Variants in OLFM3 observed in about 807,000 individuals in gnomAD.
OLFM3 encodes the protein olfactomedin 3.
A neutral mutation model predicts 48.6 loss-of-function variants in OLFM3; 20 were observed. That is an observed-to-expected ratio of 0.41 (90% confidence interval 0.29 to 0.60). The LOEUF is 0.60. Ranked by LOEUF, OLFM3 falls within the 20% of genes least tolerant of loss-of-function variation. The probability of loss-of-function intolerance (pLI) is 0.28; values close to 1 mark genes in which losing one functional copy is unlikely to be tolerated. For synonymous variants in OLFM3, 222 were observed against 198.1 expected, an observed-to-expected ratio of 1.12 and a Z score of -1.01; for missense variants, 437 against 544.3, an observed-to-expected ratio of 0.80 and a Z score of 1.96.
At chr1:101,914,497 C>A (rs1658861616) in intron 1 of OLFM3, among the ~76,000 whole-genome samples, 1 of 152,186 alleles carries the variant, frequency 6.6e-6, no homozygotes, top group African/African-American at 2.4e-5. Flanking sequence ...CAGAGCTTAA[C>A]CTGACTTATT....
chr1:101,941,275 C>A (rs964777937), intron 1 of OLFM3, among the ~76,000 whole-genome samples: 1 of 152,112 alleles, frequency 6.6e-6, no homozygotes, highest in South Asian at 2.1e-4. Flanking sequence ...TGCAGCATTA[C>A]AGCAGGGAGA....
At chr1:101,983,492 G>A (rs1263213095) in intron 1 of OLFM3, among the ~76,000 whole-genome samples, 2 of 152,082 alleles carry the variant, frequency 1.3e-5, no homozygotes, top group Non-Finnish European at 2.9e-5. Flanking sequence ...AAAATGTTAA[G>A]CACTTTAGAA....
chr1:101,881,622 T>C (rs1262465544), intron 1 of OLFM3, among the ~76,000 whole-genome samples: 2 of 151,888 alleles, frequency 1.3e-5, no homozygotes, highest in Non-Finnish European at 2.9e-5. Context: ...TTATAGTTCT[T>C]AATCTAAATA....
chr1:101,880,768 T>C (rs959042458), intron 1 of OLFM3, among the ~76,000 whole-genome samples: 1 of 151,852 alleles, frequency 6.6e-6, no homozygotes, highest in African/African-American at 2.4e-5. Flanking sequence ...GAGAAAGTAA[T>C]TTCTAAATAT....
chr1:101,891,903 T>A (rs1025441062), intron 1 of OLFM3, among the ~76,000 whole-genome samples: 1 of 152,006 alleles, frequency 6.6e-6, no homozygotes, highest in Non-Finnish European at 1.5e-5. Flanking sequence ...AATATAAATG[T>A]TGAACATGGC....
At chr1:101,858,164 T>C (rs1656505717) in intron 1 of OLFM3, among the ~76,000 whole-genome samples, 1 of 152,098 alleles carries the variant, frequency 6.6e-6, no homozygotes, top group Non-Finnish European at 1.5e-5. Context: ...TGATAAAAAA[T>C]AAATTTTCTC....
intron 1 of OLFM3, among the ~76,000 whole-genome samples, chr1:101,907,095 T>C (rs924431209): frequency 2.0e-5 from 3 of 152,198 alleles, no homozygotes; most frequent in African/African-American, 4.8e-5. Flanking sequence ...TGTGACTATA[T>C]GACATGTGCT....
chr1:101,957,002 A>T (rs1660317909), intron 1 of OLFM3, among the ~76,000 whole-genome samples: 1 of 152,066 alleles, frequency 6.6e-6, no homozygotes, highest in East Asian at 1.9e-4. Flanking sequence ...ATAAAAAAAA[A>T]GTGGCTGTAG....
chr1:101,835,124 G>GA (rs1429645426), intron 2 of OLFM3, among the ~76,000 whole-genome samples: 2 of 151,882 alleles, frequency 1.3e-5, no homozygotes, highest in African/African-American at 2.4e-5. Flanking sequence ...AGTTTATATA[G>GA]AAAAAAAGAT....
chr1:101,937,487 T>C (rs968021589), intron 1 of OLFM3, among the ~76,000 whole-genome samples: 2 of 152,184 alleles, frequency 1.3e-5, no homozygotes, highest in Non-Finnish European at 2.9e-5. Context: ...GCGGCCGGTC[T>C]TTCTCGTGCT....
chr1:101,972,191 T>A (rs1660822966), intron 1 of OLFM3, among the ~76,000 whole-genome samples: 1 of 152,232 alleles, frequency 6.6e-6, no homozygotes, highest in Admixed American at 6.5e-5. Context: ...TGGCACCTAC[T>A]GCTCCTTGAG....
intron 1 of OLFM3, chr1:101,910,146 T>C (rs1237536749): frequency 1.9e-5 from 19 of 985,248 alleles, no homozygotes; most frequent in Non-Finnish European, 2.0e-5. Flanking sequence ...CATCACAAGA[T>C]GTTTATCGAG....
chr1:101,839,611 G>A (rs892036724), intron 1 of OLFM3, among the ~76,000 whole-genome samples: 1 of 152,156 alleles, frequency 6.6e-6, no homozygotes, highest in Non-Finnish European at 1.5e-5. Flanking sequence ...TATTTTAACA[G>A]CAGTCCAAAC....
intron 1 of OLFM3, among the ~76,000 whole-genome samples, chr1:101,963,080 C>T (rs1369864620): frequency 1.3e-5 from 2 of 152,196 alleles, no homozygotes; most frequent in African/African-American, 4.8e-5. Flanking sequence ...AATGGAGCTC[C>T]TTTCTCGCAC....
chr1:101,996,166 A>G (rs944435123), intron 1 of OLFM3, among the ~76,000 whole-genome samples: 2 of 152,120 alleles, frequency 1.3e-5, no homozygotes, highest in East Asian at 3.9e-4. Flanking sequence ...AATTTTCTTA[A>G]TGAAAAGGAA....
chr1:101,962,106 C>T (rs2101084934), intron 1 of OLFM3, among the ~76,000 whole-genome samples: 1 of 152,268 alleles, frequency 6.6e-6, no homozygotes, highest in East Asian at 1.9e-4. Context: ...TAAAAGTTTA[C>T]TGTTAGTCAC....
intron 1 of OLFM3, among the ~76,000 whole-genome samples, chr1:101,912,138 T>C (rs1288489314): frequency 2.0e-5 from 3 of 152,184 alleles, no homozygotes; most frequent in African/African-American, 4.8e-5. Context: ...TGGTATAACC[T>C]GACAGCACTT....
At chr1:101,990,335 T>C (rs1209951681) in intron 1 of OLFM3, among the ~76,000 whole-genome samples, 2 of 152,180 alleles carry the variant, frequency 1.3e-5, no homozygotes, top group African/African-American at 4.8e-5. Flanking sequence ...TGAAGGAACG[T>C]GATAAGCCTT....
intron 1 of OLFM3, among the ~76,000 whole-genome samples, chr1:101,967,326 C>A (rs1402221579): frequency 6.6e-6 from 1 of 151,470 alleles, no homozygotes; most frequent in Non-Finnish European, 1.5e-5. Flanking sequence ...AATACCATGA[C>A]CCCTGTGGCT....
Sources: gnomAD v4.1 joint callset for allele counts (sites outside exome capture counted in the v4.1 genomes callset) on GRCh38, gnomAD v4.1.1 for gene constraint, MANE v1.5 for transcripts, NCBI Gene and HGNC (gene_info 2026-07-23, HGNC 2026-07-21) for gene names.